Variants in DMXL1 observed in about 807,000 individuals in gnomAD.
DMXL1 encodes Dmx like 1.
In DMXL1, 99 loss-of-function variants were observed where a neutral mutation model predicts 319.2. That is an observed-to-expected ratio of 0.31 (90% confidence interval 0.26 to 0.37). The LOEUF is 0.37. Ranked by LOEUF, DMXL1 falls within the 10% of genes least tolerant of loss-of-function variation. The pLI is 1.00. For missense variants in DMXL1, 3,745 were observed against 3,595.6 expected (o/e 1.04, Z -1.06); for synonymous variants, 1,385 against 1,235.2 (o/e 1.12, Z -2.54).
chr5:119,185,377 T>C (rs927371521), intron 28 of DMXL1, among the ~76,000 whole-genome samples: 1 of 152,214 alleles, frequency 6.6e-6, no homozygotes, highest in African/African-American at 2.4e-5. Flanking sequence ...AGATATTTAT[T>C]ATTTCATTTT....
chr5:119,116,069 C>T (rs1760772175), intron 6 of DMXL1, 89 bp from the exon 7 acceptor site: 1 of 1,229,252 alleles, frequency 8.1e-7, no homozygotes, highest in South Asian at 1.6e-5. Context: ...AAGTTCTTGC[C>T]ATTGGGGAGA....
chr5:119,197,717 C>T lies in DMXL1; in HGVS notation c.7544-38C>T, dbSNP rs762616659. ...TCTTAAAATTGAATATGGCATTTTA[C>T]TGCATAAGATTAATATGAGTCAATG... On this transcript the variant is annotated intron_variant, in intron 31 of 43. Transcript: ENST00000539542. 1.3e-5 allele frequency: 21 copies of T among 1,580,674 alleles called. No individual in the cohort carries two copies. The East Asian group carries it at 3.6e-4, about 27-fold the overall frequency.
At chr5:119,153,448 G>C (rs1271929675) in intron 19 of DMXL1, among the ~76,000 whole-genome samples, 1 of 152,094 alleles carries the variant, frequency 6.6e-6, no homozygotes, top group Non-Finnish European at 1.5e-5. Context: ...TATTTGAAAT[G>C]TACTCTCTTA....
Position 119,173,754 on chromosome 5 carries a change from G to GTATATA in DMXL1, c.6682-1499_6682-1494dup, listed in dbSNP as rs1192629133. Among the ~76,000 whole-genome samples the GTATATA allele has an allele frequency of 1.7e-4, 13 of 77,986 alleles. 1 individual carries two copies. Among genetic ancestry groups the GTATATA allele is most frequent in the Admixed American group, 4.3e-4 (3 of 6,956 alleles). 51.2% of individuals were successfully genotyped at this position (77,986 alleles called of 152,430 possible). Reference sequence around the variant, plus strand: ...TATGTGTGTATATATATATGTGTGTGTATATATATATATGTGTGTGTGTAT... The same window carrying GTATATA: ...TATGTGTGTATATATATATGTGTGTGTATATATATATATATATATGTGTGTGTGTAT... On this transcript the variant is annotated intron_variant, in intron 25 of 43. Coordinates refer to ENST00000539542, the MANE Select transcript of DMXL1 (RefSeq NM_001290321.3).
chr5:119,105,504 G>A lies in DMXL1; in HGVS notation c.364+246G>A, dbSNP rs541054583. Among the ~76,000 whole-genome samples, 47 of 152,310 alleles carry A rather than the reference G, an allele frequency of 3.1e-4. No individual in the cohort carries two copies. The South Asian group carries it at 4.6e-3, about 15-fold the overall frequency. On this transcript the variant is annotated intron_variant, in intron 4 of 43. Coordinates refer to ENST00000539542, the MANE Select transcript of DMXL1 (RefSeq NM_001290321.3). ...GTTTTTGGAAAGAGATATTTCTCTG[G>A]AGAATTAACGTTTCATTGAAAAGGA... is the stretch of plus-strand genomic sequence containing the variant.
chr5:119,214,458 A>G (rs1783329970), intron 34 of DMXL1, among the ~76,000 whole-genome samples: 1 of 152,160 alleles, frequency 6.6e-6, no homozygotes, highest in African/African-American at 2.4e-5. Context: ...TTCAAAATCC[A>G]CCAATGGTTT....
intron 1 of DMXL1, among the ~76,000 whole-genome samples, chr5:119,077,707 T>C (rs1270128474): frequency 7.0e-6 from 1 of 143,246 alleles, no homozygotes; most frequent in Non-Finnish European, 1.5e-5. Flanking sequence ...TGTGTATATA[T>C]ACACTTAAAA....
At chr5:119,167,938 A>T in intron 23 of DMXL1, 74 bp downstream of exon 23, 2 of 1,424,572 alleles carry the variant, frequency 1.4e-6, no homozygotes, top group East Asian at 4.7e-5. Context: ...TCACTCTATT[A>T]GGTGGTAAGG....
In DMXL1 at chr5:119,134,190, G is replaced by T; in HGVS notation, c.2254+12G>T. 1.2e-6 allele frequency: 2 copies of T among 1,608,030 alleles called. No homozygotes were observed. Among genetic ancestry groups the T allele is most frequent in the Non-Finnish European group, 1.7e-6 (2 of 1,177,670 alleles). ...CAGTTATTGTCTGGGTAAGTATTCT[G>T]GTTTTTATTACAGTAATTTAGATTT... On this transcript the variant is annotated intron_variant, in intron 12 of 43. Transcript: ENST00000539542.
At chr5:119,077,752 T>C (rs562056695) in intron 1 of DMXL1, among the ~76,000 whole-genome samples, 89 of 90,330 alleles carry the variant, frequency 9.9e-4, no homozygotes, top group South Asian at 6.4e-3. Flanking sequence ...ATTTATTTTT[T>C]AAGTGTGTGT....
chr5:119,151,670 A>C (rs185077643), intron 18 of DMXL1, among the ~76,000 whole-genome samples: 1 of 152,308 alleles, frequency 6.6e-6, no homozygotes, highest in East Asian at 1.9e-4. Flanking sequence ...GTCACATTTT[A>C]ATTTAAATAA....
At chr5:119,175,118 G>T in intron 25 of DMXL1, 143 bp from the exon 26 acceptor site, 2 of 525,578 alleles carry the variant, frequency 3.8e-6, no homozygotes, top group Non-Finnish European at 6.7e-6. Context: ...AATGAGTGTT[G>T]TAGAAAAAAA....
At chr5:119,078,615 G>A (rs1352860275) in intron 1 of DMXL1, among the ~76,000 whole-genome samples, 1 of 152,082 alleles carries the variant, frequency 6.6e-6, no homozygotes, top group Non-Finnish European at 1.5e-5. Context: ...ACCATGCCCA[G>A]CTAATTTTTT....
chr5:119,198,682 C>A (rs1229463564), intron 32 of DMXL1, among the ~76,000 whole-genome samples: 3 of 152,088 alleles, frequency 2.0e-5, no homozygotes, highest in African/African-American at 4.8e-5. Flanking sequence ...CAAAGCAATC[C>A]TCAGCAAAAA....
chr5:119,166,429 T>C (rs1231280861), intron 21 of DMXL1, among the ~76,000 whole-genome samples, 187 bp from the exon 22 acceptor site: 1 of 152,214 alleles, frequency 6.6e-6, no homozygotes, highest in Non-Finnish European at 1.5e-5. Flanking sequence ...TTTTGTAATC[T>C]CTGAGACTTA....
chr5:119,150,302 A>G lies in DMXL1; in HGVS notation c.4475A>G (p.His1492Arg), dbSNP rs1230040121. 7 of 1,613,706 alleles carry G rather than the reference A, an allele frequency of 4.3e-6. No individual in the cohort carries two copies. The African/African-American group carries it at 6.7e-5, about 15-fold the overall frequency. The change falls in exon 18 of 44, where the codon CAC (histidine) becomes CGC (arginine). Residue 1492 changes from histidine to arginine, a missense_variant. By Grantham distance (29) the His-to-Arg change is conservative. Coordinates refer to ENST00000539542, the MANE Select transcript of DMXL1 (RefSeq NM_001290321.3). ...GAGCATGCTCAGGTTCTTTCTGGCC[A>G]CTTACTTCATTCTAGTTTACCAGGA... The part of the protein sequence containing the change: ...GPEHAQVLSG[H>R]LLHSSLPGLS...
intron 19 of DMXL1, among the ~76,000 whole-genome samples, chr5:119,157,343 C>G (rs893058776): frequency 1.3e-5 from 2 of 152,152 alleles, no homozygotes; most frequent in Non-Finnish European, 2.9e-5. Flanking sequence ...CCCATTTGTT[C>G]ATTTTTGCTT....
chr5:119,175,345 T>G lies in DMXL1; in HGVS notation c.6758+8T>G. Reference sequence around the variant, plus strand: ...TGGTAGTCATAACTACAGGTAACTATCTTTTTATGAAATTTAAGAATGCTT... The same window carrying G: ...TGGTAGTCATAACTACAGGTAACTAGCTTTTTATGAAATTTAAGAATGCTT... On this transcript the variant is annotated splice_region_variant and intron_variant, in intron 26 of 43. Coordinates refer to ENST00000539542, the MANE Select transcript of DMXL1 (RefSeq NM_001290321.3). 1.3e-6 allele frequency: 2 copies of G among 1,597,262 alleles called. No individual in the cohort carries two copies. Among genetic ancestry groups the G allele is most frequent in the Middle Eastern group, 1.7e-4 (1 of 5,978 alleles).
At position 119,149,289 on chromosome 5, in the gene DMXL1, G is replaced by A. The variant is rs750405751; in HGVS notation, c.3462G>A (p.Leu1154=). 3 of 1,613,816 alleles carry A rather than the reference G, an allele frequency of 1.9e-6. No individual in the cohort carries two copies. Among genetic ancestry groups the A allele is most frequent in the South Asian group, 1.1e-5 (1 of 91,068 alleles). Residue 1154 remains leucine, a synonymous_variant, in exon 18 of 44, where the codon CTG becomes CTA. Transcript: ENST00000539542. Reference sequence around the variant, plus strand: ...CTAGAGAAGACGGTTCTCATATCCTGACTGTAGGAATTGGATCAAAACTTT... The same window carrying A: ...CTAGAGAAGACGGTTCTCATATCCTAACTGTAGGAATTGGATCAAAACTTT... ...WMSREDGSHI[L]TVGIGSKLFM...
Sources: allele counts gnomAD v4.1 joint callset (sites outside exome capture counted in the v4.1 genomes callset), GRCh38; gene constraint gnomAD v4.1.1; transcripts MANE v1.5; gene names NCBI Gene and HGNC (gene_info 2026-07-23, HGNC 2026-07-21).